The following ATP2B2 variants were observed in gnomAD, a reference collection of about 807,000 sequenced individuals.
ATP2B2 encodes the protein plasma membrane calcium-transporting ATPase 2.
In ATP2B2, 15 loss-of-function variants were observed where a neutral mutation model predicts 120.0. The ratio of observed to expected loss-of-function variants is 0.12; its 90% CI spans 0.08 to 0.19. The LOEUF is 0.19. Among genes scored for constraint, ATP2B2 ranks in the 10% least tolerant of loss-of-function variants. ATP2B2 has a pLI of 1.00. For synonymous variants in ATP2B2, 694 were observed against 700.3 expected, an observed-to-expected ratio of 0.99 and a Z score of 0.14; for missense variants, 1,045 against 1,719.8, an observed-to-expected ratio of 0.61 and a Z score of 6.94.
At chr3:10,662,051 A>G (rs529553524) in intron 1 of ATP2B2, among the ~76,000 whole-genome samples, 2 of 152,254 alleles carry the variant, frequency 1.3e-5, no homozygotes, top group Non-Finnish European at 1.5e-5. Context: ...AGCCATATGT[A>G]GAAAGCTGAA....
intron 2 of ATP2B2, among the ~76,000 whole-genome samples, chr3:10,569,148 T>C (rs934467442): frequency 4.0e-4 from 61 of 152,250 alleles, no homozygotes; most frequent in African/African-American, 1.4e-3. Flanking sequence ...AAGCGTCAAG[T>C]CCTTATGTGG....
chr3:10,528,098 T>A (rs939403608), intron 3 of ATP2B2, among the ~76,000 whole-genome samples: 1 of 152,184 alleles, frequency 6.6e-6, no homozygotes, highest in East Asian at 1.9e-4. Context: ...TGGCTTCTTC[T>A]TGGGCTTTTG....
intron 22 of ATP2B2, among the ~76,000 whole-genome samples, chr3:10,334,176 T>C (rs1372737482): frequency 1.3e-5 from 2 of 152,128 alleles, no homozygotes; most frequent in African/African-American, 4.8e-5. Flanking sequence ...CGATGTCAGG[T>C]GTGCTCCGTC....
intron 3 of ATP2B2, among the ~76,000 whole-genome samples, chr3:10,404,344 T>C (rs2062335549): frequency 6.6e-6 from 1 of 152,244 alleles, no homozygotes; most frequent in East Asian, 1.9e-4. Context: ...CTTGGAGTAA[T>C]GGTAATCATA....
At chr3:10,618,286 G>A (rs115511179) in intron 2 of ATP2B2, among the ~76,000 whole-genome samples, 179 of 152,278 alleles carry the variant, frequency 1.2e-3, no homozygotes, top group African/African-American at 4.0e-3. Flanking sequence ...TAATCATTGC[G>A]TCTTGTTCTC....
At chr3:10,529,017 T>C (rs1219046683) in intron 3 of ATP2B2, among the ~76,000 whole-genome samples, 1 of 152,160 alleles carries the variant, frequency 6.6e-6, no homozygotes, top group Non-Finnish European at 1.5e-5. Flanking sequence ...GGTCCAGCAC[T>C]GACCCCCCAC....
chr3:10,681,222 T>G (rs1394838556), intron 1 of ATP2B2, among the ~76,000 whole-genome samples: 1 of 152,190 alleles, frequency 6.6e-6, no homozygotes, highest in Non-Finnish European at 1.5e-5. Flanking sequence ...TATTCCTTTA[T>G]AGCAATGCTA....
intron 2 of ATP2B2, among the ~76,000 whole-genome samples, chr3:10,436,647 A>T (rs1358091212): frequency 6.6e-6 from 1 of 152,182 alleles, no homozygotes. Flanking sequence ...CCTTCTGGAA[A>T]ATTGAGCTGG....
At chr3:10,681,442 C>T (rs1034884773) in intron 1 of ATP2B2, among the ~76,000 whole-genome samples, 11 of 152,320 alleles carry the variant, frequency 7.2e-5, no homozygotes, top group Non-Finnish European at 5.9e-5. Context: ...GGAAGGCAGA[C>T]AAATGTCTCC....
rs898796731 is a variant in ATP2B2 at position 10,602,062 on chromosome 3, C to T, written c.-415+17855G>A. 3.3e-5 allele frequency among the ~76,000 whole-genome samples: 5 copies of T among 152,254 alleles called. No individual in the cohort carries two copies. In the East Asian group the frequency reaches 7.7e-4, roughly 23 times the overall value. ...CCTCCCCGCGCCTGCAGAGGAAGAGCTGAGGCTCCAGCGGCTCTCCTGGCA... is the reference window on the plus strand; with the variant it reads ...CCTCCCCGCGCCTGCAGAGGAAGAGTTGAGGCTCCAGCGGCTCTCCTGGCA... On this transcript the variant is annotated intron_variant, in intron 2 of 21. Coordinates refer to the ATP2B2 transcript ENST00000646379.
chr3:10,410,735 T>A lies in ATP2B2; in HGVS notation c.280A>T (p.Thr94Ser), dbSNP rs745337447. Residue 94 changes from threonine (T) to serine (S), a missense_variant, in exon 3 of 23, where the codon ACC (threonine) becomes TCC (serine). Thr to Ser is a moderately conservative substitution (Grantham distance 58). Around this residue, in one of 11 missense-constraint regions of ATP2B2, gnomAD observed 139 missense variants for 134.2 expected, o/e 1.04. Transcript: ENST00000360273. Reference protein sequence around the residue: ...QNFIPPKKPKTFLQLVWEALQ... With the variant: ...QNFIPPKKPKSFLQLVWEALQ... ...GCCTCCCACACGAGCTGCAGGAAGG[T>A]TTTTGGCTTCTTTGGAGGTATAAAG... is the stretch of plus-strand genomic sequence containing the variant. The A allele has an allele frequency of 9.3e-6, 15 of 1,614,016 alleles. No homozygotes were observed. Among genetic ancestry groups the A allele is most frequent in the Non-Finnish European group, 1.2e-5 (14 of 1,179,970 alleles).
chr3:10,500,125 A>G (rs1007394024), intron 1 of ATP2B2, among the ~76,000 whole-genome samples: 8 of 151,448 alleles, frequency 5.3e-5, no homozygotes, highest in Admixed American at 2.0e-4. Context: ...TTTAGTAGAA[A>G]CGGGGTTTTG....
At chr3:10,451,584 C>T (rs150255012) in intron 1 of ATP2B2, among the ~76,000 whole-genome samples, 7 of 152,226 alleles carry the variant, frequency 4.6e-5, no homozygotes, top group Admixed American at 2.0e-4. Flanking sequence ...ACACAAGGGA[C>T]GCTTTTACTC....
At chr3:10,683,872 C>T (rs1307076751) in intron 1 of ATP2B2, among the ~76,000 whole-genome samples, 1 of 148,048 alleles carries the variant, frequency 6.8e-6, no homozygotes, top group African/African-American at 2.5e-5. Flanking sequence ...AGCTCACTCA[C>T]GGCATCCTCG....
At chr3:10,602,120 G>A (rs781578731) in intron 2 of ATP2B2, among the ~76,000 whole-genome samples, 11 of 152,146 alleles carry the variant, frequency 7.2e-5, no homozygotes, top group Admixed American at 5.2e-4. Context: ...AGCCCCCTCG[G>A]AGCCCCCTCC....
intron 1 of ATP2B2, among the ~76,000 whole-genome samples, chr3:10,459,727 T>C (rs2064407390): frequency 6.6e-6 from 1 of 152,344 alleles, no homozygotes; most frequent in East Asian, 1.9e-4. Context: ...AACACCAACA[T>C]CATTCCTGCT....
chr3:10,583,178 C>T (rs1451151753), intron 2 of ATP2B2, among the ~76,000 whole-genome samples: 2 of 152,206 alleles, frequency 1.3e-5, no homozygotes, highest in Non-Finnish European at 2.9e-5. Flanking sequence ...TCTTGAAGCC[C>T]TTGCAAAGAG....
intron 1 of ATP2B2, among the ~76,000 whole-genome samples, chr3:10,470,010 G>C (rs546732810): frequency 6.6e-6 from 1 of 152,064 alleles, no homozygotes; most frequent in Non-Finnish European, 1.5e-5. Flanking sequence ...CAGCCCCCGT[G>C]GGGGCTGCTT....
chr3:10,471,035 G>A (rs1202201351), intron 1 of ATP2B2, among the ~76,000 whole-genome samples: 3 of 152,310 alleles, frequency 2.0e-5, no homozygotes, highest in Middle Eastern at 3.4e-3. Flanking sequence ...TTGTTCTCTG[G>A]GCCAGGCCAG....
Sources: gnomAD v4.1 joint callset for allele counts (sites outside exome capture counted in the v4.1 genomes callset) on GRCh38, gnomAD v4.1.1 for gene constraint, gnomAD v4.1.1 regional missense constraint, MANE v1.5 for transcripts, NCBI Gene and HGNC (gene_info 2026-07-23, HGNC 2026-07-21) for gene names.